The following UNC13C variants were observed in gnomAD, a reference collection of about 807,000 sequenced individuals.
UNC13C encodes unc-13 homolog C.
In UNC13C, 174 loss-of-function variants were observed where a neutral mutation model predicts 245.4. The ratio of observed to expected loss-of-function variants is 0.71; its 90% CI spans 0.63 to 0.80. UNC13C has a LOEUF of 0.80. Among genes scored for constraint, UNC13C ranks in the 30% least tolerant of loss-of-function variants. UNC13C has a pLI of 0.00. For synonymous variants in UNC13C, 992 were observed against 895.1 expected, an observed-to-expected ratio of 1.11 and a Z score of -1.93; for missense variants, 2,829 against 2,602.9, an observed-to-expected ratio of 1.09 and a Z score of -1.89.
intron 2 of UNC13C, among the ~76,000 whole-genome samples, chr15:54,105,265 C>A (rs1041560686): frequency 2.0e-5 from 3 of 152,022 alleles, no homozygotes; most frequent in Admixed American, 6.5e-5. Flanking sequence ...TCTAACTGCC[C>A]GTGATGGTGA....
the UNC13C span, chr15:53,972,802 G>A: frequency 6.6e-6 from 1 of 152,088 alleles, no homozygotes; most frequent in Admixed American, 6.6e-5. Context: ...AAAAGGAAAG[G>A]AAGTCATTGT....
At chr15:54,158,018 T>A (rs943323488) in intron 4 of UNC13C, among the ~76,000 whole-genome samples, 3 of 152,200 alleles carry the variant, frequency 2.0e-5, no homozygotes, top group Non-Finnish European at 2.9e-5. Context: ...TTGGCATATA[T>A]CTTTAGCCAT....
At chr15:54,460,333 G>T (rs1452824644) in intron 19 of UNC13C, among the ~76,000 whole-genome samples, 1 of 152,212 alleles carries the variant, frequency 6.6e-6, no homozygotes, top group African/African-American at 2.4e-5. Context: ...GTCCTTGGTT[G>T]TAGTTTTGTT....
At chr15:54,061,688 A>C (rs79072209) in intron 2 of UNC13C, among the ~76,000 whole-genome samples, 195 of 152,312 alleles carry the variant, frequency 1.3e-3, no homozygotes, top group African/African-American at 4.5e-3. Flanking sequence ...GGTGCAAGAG[A>C]AAGTAGAAGG....
At chr15:53,890,140 C>CT in the UNC13C span, among the ~76,000 whole-genome samples, 38,906 of 145,108 alleles carry the variant, frequency 0.27, 5,824 homozygotes, top group East Asian at 0.5. Context: ...ACCAGCGCCT[C>CT]TTTTTTTTTT....
At chr15:54,324,479 A>T (rs2140984020) in intron 14 of UNC13C, among the ~76,000 whole-genome samples, 1 of 152,220 alleles carries the variant, frequency 6.6e-6, no homozygotes, top group African/African-American at 2.4e-5. Flanking sequence ...TGGATGAAAT[A>T]TGTTCAAAAA....
At chr15:54,475,304 T>C (rs1892673045) in intron 19 of UNC13C, among the ~76,000 whole-genome samples, 2 of 148,298 alleles carry the variant, frequency 1.3e-5, no homozygotes, top group South Asian at 2.1e-4. Flanking sequence ...TTATTATTAT[T>C]ATTATTATTA....
Position 54,306,013 on chromosome 15 carries a change from G to A in UNC13C, c.4268+5640G>A, listed in dbSNP as rs111783777. Among the ~76,000 whole-genome samples, 4 of 152,072 alleles carry A rather than the reference G, an allele frequency of 2.6e-5. 1 individual carries two copies. The highest frequency in any genetic ancestry group is 7.2e-5 in the African/African-American group (3 of 41,524). ...TGGATTTGGAGAATAAATAAATAAGGGGAAGTATGTTTTAAGTCAGAATCT... is the reference window on the plus strand; with the variant it reads ...TGGATTTGGAGAATAAATAAATAAGAGGAAGTATGTTTTAAGTCAGAATCT... On this transcript the variant is annotated intron_variant, in intron 13 of 32. Transcript: ENST00000260323.
At chr15:54,093,102 C>A (rs1437771028) in intron 2 of UNC13C, among the ~76,000 whole-genome samples, 1 of 151,730 alleles carries the variant, frequency 6.6e-6, no homozygotes, top group Non-Finnish European at 1.5e-5. Flanking sequence ...GTCATCTATT[C>A]TTGCTTATAA....
intron 2 of UNC13C, among the ~76,000 whole-genome samples, chr15:54,020,278 CTT>C (rs1184092756): frequency 5.0e-5 from 7 of 139,234 alleles, no homozygotes; most frequent in Admixed American, 7.2e-5. Flanking sequence ...TTCTTTTTTT[CTT>C]TTTTTTTTTT....
At chr15:54,132,363 C>A (rs144923709) in intron 2 of UNC13C, among the ~76,000 whole-genome samples, 1 of 152,254 alleles carries the variant, frequency 6.6e-6, no homozygotes, top group African/African-American at 2.4e-5. Flanking sequence ...AGCCACCGTG[C>A]CTGACCAATT....
At chr15:54,622,172 C>T (rs1835424459) in intron 30 of UNC13C, among the ~76,000 whole-genome samples, 155 bp from the exon 31 acceptor site, 1 of 152,164 alleles carries the variant, frequency 6.6e-6, no homozygotes, top group African/African-American at 2.4e-5. Context: ...GCATTTCATA[C>T]TTAAGTGAAT....
rs749646589 is a variant in UNC13C at position 54,013,378 on chromosome 15, A to T, written c.475A>T (p.Ser159Cys). 1.9e-6 allele frequency: 3 copies of T among 1,613,916 alleles called. No individual in the cohort carries two copies. The South Asian group carries it at 3.3e-5, about 18-fold the overall frequency. Reference sequence around the variant, plus strand: ...TAGACGCAACAGAAAGAGTTCAAGCAGCCTTGCACCCTCTGAGGGCAGCTC... The same window carrying T: ...TAGACGCAACAGAAAGAGTTCAAGCTGCCTTGCACCCTCTGAGGGCAGCTC... ...PVRRNRKSSS[S>C]LAPSEGSSDG... The change falls in exon 2 of 33, where the codon AGC (serine) becomes TGC (cysteine). Residue 159 changes from serine to cysteine, a missense_variant. By Grantham distance (112) the Ser-to-Cys change is moderately radical (BLOSUM62 -1). Coordinates refer to ENST00000260323, the MANE Select transcript of UNC13C (RefSeq NM_001080534.3).
At chr15:54,326,785 T>C (rs1435708836) in intron 14 of UNC13C, among the ~76,000 whole-genome samples, 1 of 151,976 alleles carries the variant, frequency 6.6e-6, no homozygotes, top group East Asian at 1.9e-4. Flanking sequence ...AGGGAGTAGA[T>C]TGTTGAAAAT....
At chr15:54,123,287 G>A (rs2030805852) in intron 2 of UNC13C, among the ~76,000 whole-genome samples, 1 of 151,416 alleles carries the variant, frequency 6.6e-6, no homozygotes, top group African/African-American at 2.4e-5. Flanking sequence ...AAATTGGTTT[G>A]TTATCTTGAT....
chr15:54,002,113 C>T (rs970988361), intron 1 of UNC13C, among the ~76,000 whole-genome samples: 36 of 152,212 alleles, frequency 2.4e-4, no homozygotes, highest in African/African-American at 7.7e-4. Context: ...GGTGAAACAC[C>T]GCCTCTACTA....
At chr15:54,020,278 CTTTTTTTTTTTTT>C (rs1184092756) in intron 2 of UNC13C, among the ~76,000 whole-genome samples, 11 of 139,278 alleles carry the variant, frequency 7.9e-5, no homozygotes, top group African/African-American at 2.6e-4. Context: ...TTCTTTTTTT[CTTTTTTTTTTTTT>C]TGAGATGAAG....
intron 4 of UNC13C, among the ~76,000 whole-genome samples, chr15:54,201,105 T>C (rs553390428): frequency 3.3e-5 from 5 of 152,024 alleles, no homozygotes; most frequent in African/African-American, 4.8e-5. Context: ...CCCTCCTAGA[T>C]TGAACCAGGA....
At chr15:54,113,757 C>T (rs975101466) in intron 2 of UNC13C, among the ~76,000 whole-genome samples, 2 of 152,062 alleles carry the variant, frequency 1.3e-5, no homozygotes, top group Non-Finnish European at 2.9e-5. Flanking sequence ...ACCTGGAAGG[C>T]AGAGGTTGCA....
Sources: gnomAD v4.1 joint callset for allele counts (sites outside exome capture counted in the v4.1 genomes callset) on GRCh38, gnomAD v4.1.1 for gene constraint, MANE v1.5 for transcripts, NCBI Gene and HGNC (gene_info 2026-07-23, HGNC 2026-07-21) for gene names.